Variants in ARHGEF37 observed in about 807,000 individuals in gnomAD.
ARHGEF37 encodes Rho guanine nucleotide exchange factor 37.
ARHGEF37 carries 55 observed loss-of-function variants against 71.1 expected under a neutral mutation model. That is an observed-to-expected ratio of 0.77 (90% CI 0.62 to 0.97). ARHGEF37 has a LOEUF of 0.97. Ranked by LOEUF, ARHGEF37 falls within the 50% of genes least tolerant of loss-of-function variation. ARHGEF37 has a pLI of 0.00. For synonymous variants in ARHGEF37, 327 were observed against 350.6 expected, an observed-to-expected ratio of 0.93 and a Z score of 0.75; for missense variants, 765 against 836.8, an observed-to-expected ratio of 0.91 and a Z score of 1.06.
In ARHGEF37 at chr5:149,634,425, C is replaced by A. The variant is rs571025490; in HGVS notation, c.*2234C>A. The stretch of plus-strand genomic sequence containing the variant: ...TAAGTGCCATTAAAAGGGACCTGAA[C>A]AAAATTGGATGTCTTGTAGGCATAA... On this transcript the variant is annotated 3_prime_UTR_variant, in exon 13 of 13. Transcript: ENST00000333677. 6.6e-6 allele frequency: 1 copy of A among 152,476 alleles called. No homozygotes were observed. The highest frequency in any genetic ancestry group is 1.5e-5 in the Non-Finnish European group (1 of 68,032). 9.4% of individuals were successfully genotyped at this position (152,476 alleles called of 1,614,324 possible).
rs961933919 is a variant in ARHGEF37, at chr5:149,604,831, C to T, written c.310+3600C>T. 1.7e-4 allele frequency among the ~76,000 whole-genome samples: 26 copies of T among 151,554 alleles called. 1 individual carries two copies. The highest frequency in any genetic ancestry group is 4.4e-4 in the African/African-American group (18 of 41,356). On this transcript the variant is annotated intron_variant, in intron 3 of 12. Coordinates refer to ENST00000333677, the MANE Select transcript of ARHGEF37 (RefSeq NM_001001669.3). ...CCAGGTAGCTGGGATTACAGGCGTG[C>T]GCCACCACGCCCGGCTAATTTTTGT...
intron 1 of ARHGEF37, among the ~76,000 whole-genome samples, chr5:149,589,344 A>G (rs1763331407): frequency 1.3e-5 from 2 of 152,038 alleles, no homozygotes; most frequent in South Asian, 4.1e-4. Context: ...TAATTAATTT[A>G]TAAGACAGGA....
chr5:149,580,335 A>G (rs1477156352), upstream of ARHGEF37, among the ~76,000 whole-genome samples: 2 of 152,072 alleles, frequency 1.3e-5, no homozygotes, highest in African/African-American at 4.8e-5. Context: ...TCCTGGGATT[A>G]CAGCCGTGAG....
At chr5:149,624,930 A>T (rs1752641249) in intron 10 of ARHGEF37, among the ~76,000 whole-genome samples, 1 of 107,038 alleles carries the variant, frequency 9.3e-6, no homozygotes, top group Non-Finnish European at 1.8e-5. Context: ...ATGGAGTTTC[A>T]CACTGTCGCC....
At chr5:149,616,024 G>T (rs1251642567) in intron 4 of ARHGEF37, among the ~76,000 whole-genome samples, 1 of 152,256 alleles carries the variant, frequency 6.6e-6, no homozygotes, top group Admixed American at 6.5e-5. Flanking sequence ...AGATGTCAAG[G>T]ATCTAGTTGT....
In ARHGEF37 at chr5:149,558,682, C is replaced by CAT. The variant is rs201183168; in HGVS notation, c.-12+6568_-12+6569dup. Among the ~76,000 whole-genome samples the CAT allele has an allele frequency of 2.0e-3, 154 of 77,952 alleles. 4 individuals carry two copies. Among genetic ancestry groups the CAT allele is most frequent in the African/African-American group, 6.6e-3 (144 of 21,914 alleles). The allele number at this position is 77,952 out of a possible 152,430, so 51.1% of individuals were successfully genotyped here. ...GACAACCCAATGATCTTTAAAAAAC[C>CAT]ATATATATATGTGTGTGTGTGTGTG... On this transcript the variant is annotated intron_variant, in intron 1 of 2. Coordinates refer to the ARHGEF37 transcript ENST00000505810.
chr5:149,570,404 T>C, intron 1 of ARHGEF37, among the ~76,000 whole-genome samples: 1 of 150,942 alleles, frequency 6.6e-6, no homozygotes, highest in East Asian at 1.9e-4. Flanking sequence ...TGAAACCCCA[T>C]CTCTACTAAA....
At chr5:149,588,837 C>T (rs1331873553) in intron 1 of ARHGEF37, among the ~76,000 whole-genome samples, 4 of 152,180 alleles carry the variant, frequency 2.6e-5, no homozygotes, top group Non-Finnish European at 5.9e-5. Context: ...CTCAACTTTC[C>T]CTGCCCAGAC....
chr5:149,617,699 A>G (rs1402945898), intron 5 of ARHGEF37, among the ~76,000 whole-genome samples: 1 of 152,130 alleles, frequency 6.6e-6, no homozygotes, highest in African/African-American at 2.4e-5. Context: ...ATGCTATACT[A>G]TATTTAGCAG....
At chr5:149,566,670 T>C (rs1219578829) in intron 1 of ARHGEF37, among the ~76,000 whole-genome samples, 2 of 152,176 alleles carry the variant, frequency 1.3e-5, no homozygotes, top group East Asian at 1.9e-4. Flanking sequence ...CAAAAGATAG[T>C]AAGTGGAGGA....
At chr5:149,618,390 C>G in intron 6 of ARHGEF37, 84 bp downstream of exon 6, 1 of 1,578,698 alleles carries the variant, frequency 6.3e-7, no homozygotes, top group East Asian at 2.3e-5. Context: ...GGGACTTAGG[C>G]TCCTTTCAGA....
intron 1 of ARHGEF37, among the ~76,000 whole-genome samples, chr5:149,570,800 C>A (rs1330588512): frequency 6.6e-6 from 1 of 151,094 alleles, no homozygotes; most frequent in African/African-American, 2.4e-5. Flanking sequence ...CGCTTGAACC[C>A]GGGAGGCGGA....
At position 149,609,725 on chromosome 5, in the gene ARHGEF37, C is replaced by T. The variant is rs772158081; in HGVS notation, c.458+30C>T. 3.7e-6 allele frequency: 6 copies of T among 1,611,194 alleles called. No homozygotes were observed. In the African/African-American group the frequency reaches 6.7e-5, roughly 18 times the overall value. ...GTAGAACGGCCAGTGAGCACTCGCT[C>T]CTACCCCACTGACCCGGTTCAGGAG... On this transcript the variant is annotated intron_variant, in intron 4 of 12. Transcript: ENST00000333677.
At chr5:149,562,028 C>T (rs1762839461) in intron 1 of ARHGEF37, among the ~76,000 whole-genome samples, 1 of 152,164 alleles carries the variant, frequency 6.6e-6, no homozygotes, top group South Asian at 2.1e-4. Flanking sequence ...AGTTGCCATT[C>T]CTGAGGAGAG....
chr5:149,600,058 A>G (rs745916223), intron 2 of ARHGEF37, among the ~76,000 whole-genome samples: 13 of 152,358 alleles, frequency 8.5e-5, no homozygotes, highest in Middle Eastern at 3.4e-3. Flanking sequence ...AGCCTACTAC[A>G]CACCTAGACT....
At chr5:149,609,120 GTTGCAGTGAGTAGAGA>G (rs1488848427) in intron 3 of ARHGEF37, among the ~76,000 whole-genome samples, 1 of 152,092 alleles carries the variant, frequency 6.6e-6, no homozygotes, top group Non-Finnish European at 1.5e-5. Context: ...GGAGGCAGAG[GTTGCAGTGAGTAGAGA>G]TTGCGCCACC....
intron 3 of ARHGEF37, among the ~76,000 whole-genome samples, chr5:149,604,990 G>A (rs1053942312): frequency 6.6e-6 from 1 of 151,916 alleles, no homozygotes; most frequent in Non-Finnish European, 1.5e-5. Flanking sequence ...ACTTTGGGAG[G>A]CTGAGGCAGA....
intron 11 of ARHGEF37, among the ~76,000 whole-genome samples, chr5:149,627,978 A>G (rs1259121218): frequency 3.9e-5 from 6 of 152,264 alleles, no homozygotes; most frequent in Non-Finnish European, 8.8e-5. Context: ...CCATAATTCC[A>G]TGATTATAAT....
chr5:149,561,338 G>C (rs963659714), intron 1 of ARHGEF37, among the ~76,000 whole-genome samples: 1 of 151,650 alleles, frequency 6.6e-6, no homozygotes. Context: ...CCCTGGGGGT[G>C]GGGGAGGGGC....
Sources: gnomAD v4.1 joint callset for allele counts (sites outside exome capture counted in the v4.1 genomes callset) on GRCh38, gnomAD v4.1.1 for gene constraint, MANE v1.5 for transcripts, NCBI Gene and HGNC (gene_info 2026-07-23, HGNC 2026-07-21) for gene names.